Variants in IFT88 observed in about 807,000 individuals in gnomAD.
IFT88 encodes the protein intraflagellar transport 88, also known as intraflagellar transport protein 88 homolog.
A neutral mutation model predicts 119.5 loss-of-function variants in IFT88; 74 were observed. The observed-to-expected ratio is 0.62, with a 90% CI of 0.51 to 0.75. The LOEUF is 0.75. Among genes scored for constraint, IFT88 ranks in the 30% least tolerant of loss-of-function variants. The probability of loss-of-function intolerance (pLI) is 0.00; values close to 1 mark genes in which losing one functional copy is unlikely to be tolerated. For synonymous variants in IFT88, 279 were observed against 316.7 expected (o/e 0.88, Z 1.26); for missense variants, 961 against 977.7 (o/e 0.98, Z 0.23).
intron 12 of IFT88, among the ~76,000 whole-genome samples, chr13:20,602,299 G>C (rs779584023): frequency 7.1e-6 from 1 of 140,114 alleles, no homozygotes; most frequent in Non-Finnish European, 1.5e-5. Flanking sequence ...CTGCCTCCCA[G>C]GCTCTGGCAA....
chr13:20,627,448 G>A (rs1417101279), intron 15 of IFT88, among the ~76,000 whole-genome samples: 3 of 151,996 alleles, frequency 2.0e-5, no homozygotes, highest in Admixed American at 6.6e-5. Context: ...AGGGTTAAGA[G>A]GCCGGGCGTG....
At chr13:20,577,192 C>T (rs2037558143) in intron 2 of IFT88, among the ~76,000 whole-genome samples, 1 of 152,156 alleles carries the variant, frequency 6.6e-6, no homozygotes, top group South Asian at 2.1e-4. Flanking sequence ...AGAAATGCTA[C>T]TGATTTTTGT....
rs944786877 is a variant in IFT88 at position 20,645,076 on chromosome 13, T to C, written c.1949+118T>C. The C allele has an allele frequency of 5.8e-6, 3 of 520,090 alleles. No homozygotes were observed. In the African/African-American group the frequency reaches 5.8e-5, roughly 10 times the overall value. The allele number at this position is 520,090 out of a possible 1,614,324, so 32.2% of individuals were successfully genotyped here. A position where few individuals can be genotyped will look rare whatever the true frequency, so the allele number is the denominator to read the frequency against. ...AAGAACAGATGTTGATGGACATTCA[T>C]AAATTATTTTTGTTTGTTTGTTGTT... On this transcript the variant is annotated intron_variant, in intron 20 of 25. Transcript: ENST00000351808.
intron 19 of IFT88, among the ~76,000 whole-genome samples, 181 bp from the exon 20 acceptor site, chr13:20,644,662 C>T (rs2050468274): frequency 6.6e-6 from 1 of 152,020 alleles, no homozygotes; most frequent in Admixed American, 6.5e-5. Context: ...GTGTGTCAAG[C>T]AAAGCTTAGG....
intron 2 of IFT88, among the ~76,000 whole-genome samples, chr13:20,576,944 T>C (rs1394709178): frequency 6.6e-6 from 1 of 152,222 alleles, no homozygotes; most frequent in East Asian, 1.9e-4. Flanking sequence ...AATCTGTAGA[T>C]TACTTTGGGT....
chr13:20,632,837 A>G (rs2048405828), intron 16 of IFT88, among the ~76,000 whole-genome samples: 1 of 152,216 alleles, frequency 6.6e-6, no homozygotes, highest in Non-Finnish European at 1.5e-5. Flanking sequence ...AAATGAGAAA[A>G]AAAGTCATAT....
At position 20,631,072 on chromosome 13, in the gene IFT88, T is replaced by C. The variant is rs775506566; in HGVS notation, c.1356T>C (p.Ala452=). Residue 452 remains alanine, a synonymous_variant, in exon 16 of 26, where the codon GCT becomes GCC. Transcript: ENST00000351808. The part of the protein sequence containing the change: ...EKKDSRVKSA[A]ATNLSALYYM... Reference sequence around the variant, plus strand: ...AGGACAGTAGAGTGAAAAGTGCAGCTGCAACCAATCTCTCAGCCCTGTATT... The same window carrying C: ...AGGACAGTAGAGTGAAAAGTGCAGCCGCAACCAATCTCTCAGCCCTGTATT... 2.8e-5 allele frequency: 45 copies of C among 1,605,796 alleles called. No homozygotes were observed. In the Admixed American group the frequency reaches 7.5e-4, roughly 27 times the overall value.
At chr13:20,655,748 C>G (rs934258030) in intron 21 of IFT88, among the ~76,000 whole-genome samples, 2 of 152,110 alleles carry the variant, frequency 1.3e-5, no homozygotes, top group Non-Finnish European at 2.9e-5. Context: ...CCCACCTCAG[C>G]CTCCCAAAAT....
At chr13:20,626,206 A>C (rs2139980209) in intron 15 of IFT88, among the ~76,000 whole-genome samples, 1 of 150,288 alleles carries the variant, frequency 6.7e-6, no homozygotes, top group South Asian at 2.1e-4. Context: ...GACTATAAGC[A>C]CCCACCACCA....
At position 20,644,896 on chromosome 13, in the gene IFT88, T is replaced by C; in HGVS notation, c.1887T>C (p.Tyr629=). The stretch of plus-strand genomic sequence containing the variant: ...AAGTCATTGAGTGGCTTGGAGCCTA[T>C]TACATTGACACCCAATTTTGGGAAA... ...NIEVIEWLGA[Y]YIDTQFWEKA... The change falls in exon 20 of 26, where the codon TAT becomes TAC. Residue 629 remains tyrosine, a synonymous_variant. Transcript: ENST00000351808. The C allele has an allele frequency of 1.9e-6, 3 of 1,607,456 alleles. No individual in the cohort carries two copies. Among genetic ancestry groups the C allele is most frequent in the Non-Finnish European group, 2.6e-6 (3 of 1,175,352 alleles).
At chr13:20,617,485 G>T (rs1408536550) in intron 14 of IFT88, among the ~76,000 whole-genome samples, 1 of 152,142 alleles carries the variant, frequency 6.6e-6, no homozygotes, top group Non-Finnish European at 1.5e-5. Flanking sequence ...GTTTAATCAG[G>T]AGTTTCTTGG....
chr13:20,574,312 A>G (rs1250215050), intron 1 of IFT88, 68 bp from the exon 2 acceptor site: 11 of 805,542 alleles, frequency 1.4e-5, no homozygotes, highest in Non-Finnish European at 2.1e-5. Context: ...AGAGCAAGAC[A>G]TATCTCAAAA....
chr13:20,569,536 G>A (rs1249740230), intron 1 of IFT88, among the ~76,000 whole-genome samples: 1 of 150,682 alleles, frequency 6.6e-6, no homozygotes, highest in Non-Finnish European at 1.5e-5. Flanking sequence ...TCGCGCCACT[G>A]CACTCCAGCC....
intron 6 of IFT88, 92 bp downstream of exon 6, chr13:20,591,773 A>C: frequency 1.2e-6 from 1 of 813,638 alleles, no homozygotes; most frequent in African/African-American, 1.8e-5. Flanking sequence ...TTTAAATAAA[A>C]TCTAACAATG....
At chr13:20,597,647 A>AAG (rs2041919496) in intron 9 of IFT88, among the ~76,000 whole-genome samples, 2 of 151,682 alleles carry the variant, frequency 1.3e-5, no homozygotes, top group Non-Finnish European at 2.9e-5. Flanking sequence ...GGGAGGCTGG[A>AAG]GCAGGAGAAT....
intron 3 of IFT88, among the ~76,000 whole-genome samples, chr13:20,585,465 C>T (rs144505501): frequency 9.8e-5 from 15 of 152,340 alleles, no homozygotes; most frequent in Admixed American, 5.9e-4. Context: ...TTCCTAACCA[C>T]AGTGTGACAG....
chr13:20,616,205 A>AT (rs1267005207), intron 14 of IFT88, among the ~76,000 whole-genome samples: 1 of 152,214 alleles, frequency 6.6e-6, no homozygotes, highest in South Asian at 2.1e-4. Flanking sequence ...AAATTGTAGC[A>AT]TGATGCATTA....
intron 2 of IFT88, among the ~76,000 whole-genome samples, chr13:20,575,109 C>T (rs2037136219): frequency 6.6e-6 from 1 of 151,638 alleles, no homozygotes; most frequent in Non-Finnish European, 1.5e-5. Context: ...CCCTCCCCTG[C>T]CACTACCCTT....
intron 19 of IFT88, among the ~76,000 whole-genome samples, chr13:20,644,575 C>G (rs750715479): frequency 1.5e-4 from 22 of 151,664 alleles, no homozygotes; most frequent in Non-Finnish European, 2.9e-4. Flanking sequence ...CGATTTGCAT[C>G]TCTTTTTTAT....
Sources: gnomAD v4.1 joint callset for allele counts (sites outside exome capture counted in the v4.1 genomes callset) on GRCh38, gnomAD v4.1.1 for gene constraint, MANE v1.5 for transcripts, NCBI Gene and HGNC (gene_info 2026-07-23, HGNC 2026-07-21) for gene names.